The following BTBD9 variants were observed in gnomAD, a reference collection of about 807,000 sequenced individuals.
BTBD9 encodes the protein BTB/POZ domain-containing protein 9.
In BTBD9, 49 loss-of-function variants were observed where a neutral mutation model predicts 64.3. The observed-to-expected ratio is 0.76, with a 90% confidence interval of 0.61 to 0.97. The LOEUF is 0.97. BTBD9 is among the 50% of genes least tolerant of loss of function. BTBD9 has a pLI of 0.00. For synonymous variants in BTBD9, 260 were observed against 274.7 expected (o/e 0.95, Z 0.53); for missense variants, 598 against 762.1 (o/e 0.78, Z 2.53).
chr6:38,490,849 C>T (rs1771673633), intron 6 of BTBD9, among the ~76,000 whole-genome samples: 1 of 152,154 alleles, frequency 6.6e-6, no homozygotes, highest in African/African-American at 2.4e-5. Context: ...TCTGGAAAGT[C>T]AAAGGCAGCA....
chr6:38,304,129 C>G (rs574479921), intron 7 of BTBD9, among the ~76,000 whole-genome samples: 1 of 151,786 alleles, frequency 6.6e-6, no homozygotes, highest in East Asian at 1.9e-4. Context: ...GATATATATG[C>G]ATATGGATAC....
intron 10 of BTBD9, 93 bp from the exon 11 acceptor site, chr6:38,175,275 G>T: frequency 7.4e-7 from 1 of 1,358,902 alleles, no homozygotes; most frequent in Non-Finnish European, 1.0e-6. Context: ...CCCAGCTTTG[G>T]GGGCCACCAC....
chr6:38,527,673 T>C (rs1347562175), intron 6 of BTBD9, among the ~76,000 whole-genome samples: 2 of 152,096 alleles, frequency 1.3e-5, no homozygotes, highest in African/African-American at 4.8e-5. Flanking sequence ...TTGGATAGTA[T>C]CTTTACAGCA....
intron 1 of BTBD9, among the ~76,000 whole-genome samples, chr6:38,607,116 T>C (rs1487178586): frequency 6.6e-6 from 1 of 152,168 alleles, no homozygotes; most frequent in East Asian, 1.9e-4. Flanking sequence ...TACATGTACT[T>C]TGCTAATACA....
At chr6:38,299,975 G>C (rs947157297) in intron 7 of BTBD9, among the ~76,000 whole-genome samples, 23 of 152,302 alleles carry the variant, frequency 1.5e-4, no homozygotes, top group South Asian at 2.1e-4. Context: ...TTCTTCTAGG[G>C]TTTTTATGAT....
chr6:38,598,690 G>A (rs1407652073), intron 1 of BTBD9, among the ~76,000 whole-genome samples: 1 of 151,988 alleles, frequency 6.6e-6, no homozygotes, highest in Non-Finnish European at 1.5e-5. Flanking sequence ...GGCTGAGGTG[G>A]GTCGATCACC....
intron 8 of BTBD9, among the ~76,000 whole-genome samples, chr6:38,272,420 A>G (rs566421123): frequency 6.6e-6 from 1 of 152,332 alleles, no homozygotes; most frequent in South Asian, 2.1e-4. Context: ...GCATTTTACA[A>G]GATAGCTGGC....
intron 6 of BTBD9, among the ~76,000 whole-genome samples, chr6:38,476,001 A>C (rs985213700): frequency 6.6e-6 from 1 of 152,156 alleles, no homozygotes; most frequent in African/African-American, 2.4e-5. Context: ...AAAGAATGTA[A>C]ACTGGCTAAT....
intron 9 of BTBD9, among the ~76,000 whole-genome samples, chr6:38,249,432 C>T (rs1365319004): frequency 2.0e-5 from 3 of 151,744 alleles, no homozygotes; most frequent in Non-Finnish European, 4.4e-5. Context: ...TTTTTTTTCA[C>T]ATTTTATTTA....
At chr6:38,533,924 C>T (rs886911519) in intron 6 of BTBD9, among the ~76,000 whole-genome samples, 4 of 151,822 alleles carry the variant, frequency 2.6e-5, no homozygotes, top group Admixed American at 2.0e-4. Flanking sequence ...TAAGTGCCTA[C>T]ATCAAAAAAG....
At chr6:38,395,741 G>A (rs567636488) in intron 6 of BTBD9, among the ~76,000 whole-genome samples, 1 of 150,862 alleles carries the variant, frequency 6.6e-6, no homozygotes, top group Non-Finnish European at 1.5e-5. Flanking sequence ...ACAGAGTCTC[G>A]GTCTGTCGCC....
chr6:38,470,875 G>A (rs1770619014), intron 6 of BTBD9, among the ~76,000 whole-genome samples: 1 of 152,216 alleles, frequency 6.6e-6, no homozygotes, highest in Non-Finnish European at 1.5e-5. Flanking sequence ...TGCCACCTCA[G>A]AAGCCTTTAA....
chr6:38,533,408 A>G (rs903591123), intron 6 of BTBD9, among the ~76,000 whole-genome samples: 6 of 152,346 alleles, frequency 3.9e-5, no homozygotes, highest in South Asian at 4.1e-4. Flanking sequence ...ACTCAGATAT[A>G]TAAAGCAAAT....
Position 38,574,417 on chromosome 6 carries a change from T to C in BTBD9, c.1154+3183A>G, listed in dbSNP as rs535450290. ...TGTTTAAGGCATGTTTTGGACTGTA[T>C]GTATGGGTTGGCGATACAAAAAAGT... On this transcript the variant is annotated intron_variant, in intron 6 of 10. Transcript: ENST00000481247. 3.9e-5 allele frequency among the ~76,000 whole-genome samples: 6 copies of C among 152,272 alleles called. No homozygotes were observed. The South Asian group carries it at 1.2e-3, about 32-fold the overall frequency.
Position 38,409,046 on chromosome 6 carries a change from T to C in BTBD9, c.1155-63953A>G, listed in dbSNP as rs199965029. On this transcript the variant is annotated intron_variant, in intron 6 of 10. Transcript: ENST00000481247. ...AGGTGGATCACTTGAGGCCAGGAGT[T>C]CGAGCCCAGCCAGGCCAACATGGTG... Among the ~76,000 whole-genome samples, 8 of 152,178 alleles carry C rather than the reference T, an allele frequency of 5.3e-5. No homozygotes were observed. In the East Asian group the frequency reaches 1.5e-3, roughly 29 times the overall value.
chr6:38,226,979 G>A (rs563496315), intron 9 of BTBD9, among the ~76,000 whole-genome samples: 1 of 152,340 alleles, frequency 6.6e-6, no homozygotes, highest in South Asian at 2.1e-4. Context: ...TACTCTGGAA[G>A]CAATTGACTT....
chr6:38,374,737 C>T (rs1765616971), intron 6 of BTBD9, among the ~76,000 whole-genome samples: 1 of 152,144 alleles, frequency 6.6e-6, no homozygotes, highest in Admixed American at 6.5e-5. Context: ...TAGAAATCAG[C>T]ACGAAATCAA....
chr6:38,442,030 A>G (rs1223407563), intron 6 of BTBD9, among the ~76,000 whole-genome samples: 1 of 152,184 alleles, frequency 6.6e-6, no homozygotes, highest in Non-Finnish European at 1.5e-5. Context: ...TTAAGGGACC[A>G]GGCAAAACTG....
At chr6:38,486,680 C>G (rs897674665) in intron 6 of BTBD9, among the ~76,000 whole-genome samples, 1 of 152,066 alleles carries the variant, frequency 6.6e-6, no homozygotes, top group Non-Finnish European at 1.5e-5. Context: ...CAAAAATCAT[C>G]GATTACAGAT....
Sources: gnomAD v4.1 joint callset for allele counts (sites outside exome capture counted in the v4.1 genomes callset) on GRCh38, gnomAD v4.1.1 for gene constraint, MANE v1.5 for transcripts, NCBI Gene and HGNC (gene_info 2026-07-23, HGNC 2026-07-21) for gene names.